LRRC27: variants seen among roughly 807,000 people sequenced by gnomAD.
LRRC27 encodes leucine-rich repeat-containing protein 27.
In LRRC27, 57 loss-of-function variants were observed where a neutral mutation model predicts 55.0. The observed-to-expected ratio is 1.04, with a 90% CI of 0.84 to 1.29. LRRC27 has a LOEUF of 1.29. LRRC27 is among the 50% of genes most tolerant of loss of function. LRRC27 has a pLI of 0.00. For missense variants in LRRC27, 721 were observed against 651.5 expected, an observed-to-expected ratio of 1.11 and a Z score of -1.16; for synonymous variants, 278 against 251.9, an observed-to-expected ratio of 1.10 and a Z score of -0.98.
chr10:132,332,653 C>T (rs780524860), intron 1 of LRRC27: 1 of 151,836 alleles, frequency 6.6e-6, no homozygotes, highest in Non-Finnish European at 1.5e-5. Flanking sequence ...GTGAACTGAC[C>T]GTGAAAAAGC....
intron 6 of LRRC27, chr10:132,351,357 C>T (rs1303488771): frequency 6.8e-6 from 3 of 443,460 alleles, no homozygotes; most frequent in South Asian, 5.8e-5. Context: ...GACTGTCAAG[C>T]GTCCCGGGAA....
chr10:132,365,920 C>G (rs1000209432), intron 10 of LRRC27, among the ~76,000 whole-genome samples: 1 of 152,266 alleles, frequency 6.6e-6, no homozygotes, highest in Admixed American at 6.5e-5. Flanking sequence ...AGAGAACTCA[C>G]TGTGCCTCTT....
In LRRC27 at chr10:132,361,488, TGATA is replaced by T. The variant is rs773785519; in HGVS notation, c.1207_1210del (p.Asp403ThrfsTer6). The stretch of plus-strand genomic sequence containing the variant: ...TCAAAGATTCCCTCTGCCACAGATC[TGATA>T]GATAACAGGAAAGTACCACTGAATC... On this transcript the variant is annotated frameshift_variant, in exon 9 of 11. Coordinates refer to ENST00000368614, the MANE Select transcript of LRRC27 (RefSeq NM_030626.3). LOFTEE classifies it high-confidence loss of function. 1.2e-5 allele frequency: 19 copies of T among 1,613,868 alleles called. No homozygotes were observed. The highest frequency in any genetic ancestry group is 2.2e-5 in the South Asian group (2 of 91,088).
At chr10:132,361,365 CG>C in intron 8 of LRRC27, 91 bp from the exon 9 acceptor site, 1 of 1,081,144 alleles carries the variant, frequency 9.2e-7, no homozygotes, top group Non-Finnish European at 1.4e-6. Flanking sequence ...TCTTCGTGGA[CG>C]AGGAGCTAGT....
At chr10:132,331,826 G>C (rs200894466), upstream of LRRC27, 3,830 of 1,543,958 alleles carry the variant, frequency 2.5e-3, 10 homozygotes, top group Admixed American at 4.4e-3. Flanking sequence ...ACCCCTTCAA[G>C]GCCGCGGGCG....
intron 6 of LRRC27, 93 bp from the exon 7 acceptor site, chr10:132,351,514 T>C: frequency 7.1e-7 from 1 of 1,409,902 alleles, no homozygotes; most frequent in South Asian, 1.3e-5. Flanking sequence ...GAGCGGATGA[T>C]CCACAGGCCC....
At chr10:132,366,804 AG>A in intron 10 of LRRC27, 1 of 1,220,454 alleles carries the variant, frequency 8.2e-7, no homozygotes, top group South Asian at 1.4e-5. Context: ...CCCCATCTGC[AG>A]GCTCCATTCC....
chr10:132,360,387 C>G (rs1286918973), intron 8 of LRRC27, among the ~76,000 whole-genome samples: 23 of 152,154 alleles, frequency 1.5e-4, no homozygotes, highest in Admixed American at 1.4e-3. Flanking sequence ...TGAGCCACTG[C>G]GCCCGGCCAG....
intron 10 of LRRC27, among the ~76,000 whole-genome samples, chr10:132,371,136 G>A (rs779680597): frequency 6.6e-6 from 1 of 152,258 alleles, no homozygotes; most frequent in Admixed American, 6.5e-5. Context: ...CTTCTTCCCC[G>A]GCCCCTCGTG....
intron 6 of LRRC27, chr10:132,349,201 G>A: frequency 1.5e-6 from 1 of 669,926 alleles, no homozygotes; most frequent in Non-Finnish European, 2.6e-6. Flanking sequence ...TCATAGCCGA[G>A]GGGACAACAA....
intron 4 of LRRC27, among the ~76,000 whole-genome samples, chr10:132,344,269 T>C (rs2067564431): frequency 6.6e-6 from 1 of 152,224 alleles, no homozygotes; most frequent in African/African-American, 2.4e-5. Flanking sequence ...TTCTGTTTGT[T>C]TGATTTTATT....
intron 8 of LRRC27, among the ~76,000 whole-genome samples, chr10:132,361,249 G>C (rs2474338): frequency 3.9e-5 from 6 of 152,138 alleles, no homozygotes; most frequent in Non-Finnish European, 7.4e-5. Flanking sequence ...GGAGGCCCCA[G>C]AAAGATGTCC....
chr10:132,363,589 C>T (rs77111094), intron 9 of LRRC27, among the ~76,000 whole-genome samples: 14,729 of 152,236 alleles, frequency 0.097, 1,068 homozygotes, highest in East Asian at 0.34. Flanking sequence ...CACTGCTCTC[C>T]GGTGCCCCCG....
At chr10:132,352,740 T>C (rs2068110863) in intron 7 of LRRC27, 2 of 838,838 alleles carry the variant, frequency 2.4e-6, no homozygotes, top group Non-Finnish European at 3.8e-6. Flanking sequence ...TGGGCTCCCT[T>C]GTTTGCAGCC....
chr10:132,330,603 GT>G (rs949881209), upstream of LRRC27: 9 of 692,568 alleles, frequency 1.3e-5, no homozygotes, highest in Non-Finnish European at 2.4e-5. Context: ...AAAATCCTAG[GT>G]TCAAGCGATC....
At chr10:132,353,001 T>C in intron 7 of LRRC27, 2 of 1,609,876 alleles carry the variant, frequency 1.2e-6, no homozygotes, top group Non-Finnish European at 1.7e-6. Context: ...TGTTGGCCGA[T>C]GGACTCGGTG....
chr10:132,337,161 T>A, intron 2 of LRRC27: 1 of 1,185,130 alleles, frequency 8.4e-7, no homozygotes, highest in Non-Finnish European at 1.0e-6. Flanking sequence ...TGGCTCTGGC[T>A]ATTTGCTCAG....
In LRRC27 at chr10:132,351,653, C is replaced by T. The variant is rs551356914; in HGVS notation, c.973C>T (p.Pro325Ser). Reference protein sequence around the residue: ...SRSILPDLLSPYQMAIRAKRL... With the variant: ...SRSILPDLLSSYQMAIRAKRL... ...GAGCATCTTACCCGACCTCTTGTCA[C>T]CGTACCAAATGGCGATCCGAGCAAA... The change falls in exon 7 of 11, where the codon CCG (proline) becomes TCG (serine). Residue 325 changes from proline (P) to serine (S), a missense_variant. Physicochemically the swap from Pro to Ser is moderately conservative, Grantham distance 74 (BLOSUM62 -1). Coordinates refer to ENST00000368614, the MANE Select transcript of LRRC27 (RefSeq NM_030626.3). 36 of 1,614,132 alleles carry T rather than the reference C, an allele frequency of 2.2e-5. No individual in the cohort carries two copies. In the East Asian group the frequency reaches 6.7e-4, roughly 30 times the overall value.
upstream of LRRC27, chr10:132,330,155 C>T (rs764373125): frequency 1.6e-5 from 6 of 378,114 alleles, no homozygotes; most frequent in Non-Finnish European, 3.0e-5. Context: ...TCTGGCTGGG[C>T]AAAAACTGAG....
Sources: allele counts gnomAD v4.1 joint callset (sites outside exome capture counted in the v4.1 genomes callset), GRCh38; gene constraint gnomAD v4.1.1; transcripts MANE v1.5; gene names NCBI Gene and HGNC (gene_info 2026-07-23, HGNC 2026-07-21).